Variants in MAP2 observed in about 807,000 individuals in gnomAD.
The protein encoded by MAP2 is microtubule-associated protein 2.
MAP2 carries 14 observed loss-of-function variants against 137.6 expected under a neutral mutation model. The observed-to-expected ratio is 0.10, with a 90% confidence interval of 0.07 to 0.16. MAP2 has a LOEUF of 0.16. Among genes scored for constraint, MAP2 ranks in the 10% least tolerant of loss-of-function variants. MAP2 has a pLI of 1.00. For synonymous variants in MAP2, 786 were observed against 782.3 expected, an observed-to-expected ratio of 1.00 and a Z score of -0.08; for missense variants, 2,088 against 2,191.5, an observed-to-expected ratio of 0.95 and a Z score of 0.94.
At chr2:209,634,208 G>C (rs57418180) in intron 4 of MAP2, among the ~76,000 whole-genome samples, 2,733 of 152,202 alleles carry the variant, frequency 0.018, 81 homozygotes, top group African/African-American at 0.06. Flanking sequence ...CAATAAACTG[G>C]GGACAGTGAC....
intron 4 of MAP2, among the ~76,000 whole-genome samples, chr2:209,634,159 A>AC (rs1164481493): frequency 6.6e-6 from 1 of 152,138 alleles, no homozygotes; most frequent in African/African-American, 2.4e-5. Flanking sequence ...TCCACCTCCC[A>AC]CAGGGTGTTC....
intron 3 of MAP2, among the ~76,000 whole-genome samples, chr2:209,589,446 A>C (rs535654850): frequency 2.4e-4 from 36 of 152,296 alleles, no homozygotes; most frequent in African/African-American, 8.4e-4. Context: ...TATTGCCCTA[A>C]ATCTACAATA....
chr2:209,725,817 A>G, intron 14 of MAP2, 27 bp downstream of exon 14: 1 of 1,484,022 alleles, frequency 6.7e-7, no homozygotes, highest in South Asian at 1.3e-5. Context: ...TAGTAGTTTG[A>G]GAAATATTTA....
intron 5 of MAP2, chr2:209,661,448 A>G: frequency 1.1e-6 from 1 of 943,962 alleles, no homozygotes. Flanking sequence ...TCTGGCTGCC[A>G]TTTCCCTGAG....
chr2:209,593,836 A>G (rs1444011141), intron 3 of MAP2, among the ~76,000 whole-genome samples: 1 of 91,188 alleles, frequency 1.1e-5, no homozygotes, highest in African/African-American at 4.0e-5. Flanking sequence ...TATTTATATT[A>G]TATTATAATA....
At chr2:209,706,166 A>C (rs2063335431) in intron 12 of MAP2, among the ~76,000 whole-genome samples, 1 of 152,174 alleles carries the variant, frequency 6.6e-6, no homozygotes, top group Non-Finnish European at 1.5e-5. Context: ...CAACTTCTTA[A>C]GAATTTGCAT....
intron 2 of MAP2, among the ~76,000 whole-genome samples, chr2:209,538,225 A>G (rs778939769): frequency 6.6e-6 from 1 of 152,200 alleles, no homozygotes; most frequent in Non-Finnish European, 1.5e-5. Flanking sequence ...TTATGATATA[A>G]TGAAATAAAT....
At chr2:209,546,475 G>A (rs1283558994) in intron 2 of MAP2, among the ~76,000 whole-genome samples, 1 of 152,170 alleles carries the variant, frequency 6.6e-6, no homozygotes, top group Non-Finnish European at 1.5e-5. Context: ...TGTCTGGACA[G>A]TGTCTGTGGA....
intron 2 of MAP2, among the ~76,000 whole-genome samples, chr2:209,536,810 G>A (rs1213008711): frequency 6.6e-6 from 1 of 152,092 alleles, no homozygotes; most frequent in Non-Finnish European, 1.5e-5. Flanking sequence ...TAAGCACTAA[G>A]TGGTCAGACA....
At chr2:209,516,440 A>C (rs1227592132) in intron 2 of MAP2, among the ~76,000 whole-genome samples, 1 of 152,140 alleles carries the variant, frequency 6.6e-6, no homozygotes, top group Non-Finnish European at 1.5e-5. Flanking sequence ...TCTACTTTTT[A>C]AAAAACAGCT....
chr2:209,485,144 C>T (rs141076926), intron 1 of MAP2, among the ~76,000 whole-genome samples: 1 of 152,292 alleles, frequency 6.6e-6, no homozygotes, highest in East Asian at 1.9e-4. Flanking sequence ...CTAGAGGTGA[C>T]GGGCTGACCT....
intron 1 of MAP2, among the ~76,000 whole-genome samples, chr2:209,496,598 C>G (rs992430003): frequency 6.6e-6 from 1 of 152,068 alleles, no homozygotes; most frequent in African/African-American, 2.4e-5. Flanking sequence ...TGATGAATAC[C>G]TTTCCTTTAT....
intron 13 of MAP2, among the ~76,000 whole-genome samples, chr2:209,717,029 A>G (rs768437095): frequency 2.0e-5 from 3 of 152,178 alleles, no homozygotes; most frequent in Non-Finnish European, 4.4e-5. Context: ...AGAGGGAGGA[A>G]GAAGGGAATA....
At chr2:209,484,918 G>A (rs912078949) in intron 1 of MAP2, among the ~76,000 whole-genome samples, 1 of 152,094 alleles carries the variant, frequency 6.6e-6, no homozygotes, top group African/African-American at 2.4e-5. Context: ...GAACTTAAAT[G>A]TGCTATCTCT....
chr2:209,712,343 A>G (rs546754494), intron 13 of MAP2, among the ~76,000 whole-genome samples: 2 of 152,294 alleles, frequency 1.3e-5, no homozygotes, highest in South Asian at 2.1e-4. Context: ...GTAAATACAT[A>G]TGACACAAAA....
chr2:209,678,465 G>A, intron 5 of MAP2, 107 bp from the exon 6 acceptor site: 1 of 447,638 alleles, frequency 2.2e-6, no homozygotes, highest in South Asian at 6.1e-5. Flanking sequence ...GTACTTTTTA[G>A]GGGGAAGAAA....
At chr2:209,474,071 C>T (rs1179655154) in intron 1 of MAP2, among the ~76,000 whole-genome samples, 7 of 152,062 alleles carry the variant, frequency 4.6e-5, no homozygotes, top group Non-Finnish European at 1.0e-4. Context: ...AACATTGAAC[C>T]GATCTGAGGA....
At chr2:209,548,968 A>T (rs550184493) in intron 2 of MAP2, among the ~76,000 whole-genome samples, 11 of 152,268 alleles carry the variant, frequency 7.2e-5, no homozygotes, top group African/African-American at 2.6e-4. Context: ...ATAGCAGTGT[A>T]AGAATGAACT....
At chr2:209,589,666 A>T (rs2078723337) in intron 3 of MAP2, among the ~76,000 whole-genome samples, 2 of 152,230 alleles carry the variant, frequency 1.3e-5, no homozygotes, top group South Asian at 4.1e-4. Context: ...AAAGCTAAAT[A>T]TATCACAGAA....
Sources: allele counts gnomAD v4.1 joint callset (sites outside exome capture counted in the v4.1 genomes callset), GRCh38; gene constraint gnomAD v4.1.1; transcripts MANE v1.5; gene names NCBI Gene and HGNC (gene_info 2026-07-23, HGNC 2026-07-21).